Variants in TET3 observed in about 807,000 individuals in gnomAD.
The protein encoded by TET3 is tet methylcytosine dioxygenase 3.
Under a neutral mutation model 141.4 loss-of-function variants are expected in TET3, and 19 were observed. The ratio of observed to expected loss-of-function variants is 0.13; its 90% CI spans 0.09 to 0.20. The LOEUF (loss-of-function observed/expected upper bound fraction) is 0.20. Ranked by LOEUF, TET3 falls within the 10% of genes least tolerant of loss-of-function variation. TET3 has a pLI of 1.00. For synonymous variants in TET3, 1,043 were observed against 980.9 expected, an observed-to-expected ratio of 1.06 and a Z score of -1.18; for missense variants, 1,874 against 2,356.9, an observed-to-expected ratio of 0.80 and a Z score of 4.24.
chr2:73,984,981 G>A lies in TET3; in HGVS notation c.-601G>A, dbSNP rs1271740914. Among the ~76,000 whole-genome samples the A allele has an allele frequency of 6.8e-6, 1 of 146,774 alleles. No homozygotes were observed. The highest frequency in any genetic ancestry group is 1.5e-5 in the Non-Finnish European group (1 of 65,934). On this transcript the variant is annotated 5_prime_UTR_variant, in exon 1 of 12. Transcript: ENST00000409262. The surrounding 1 kb of genome is among the most constrained non-coding windows in gnomAD (Gnocchi z 5.6). ...GCCGCTGCCTCTTCCTTCCTCCTGC[G>A]CCGTCCCCTCCTCGGCCCGGGCGGG...
chr2:74,059,205 A>G (rs1371821099), intron 4 of TET3, among the ~76,000 whole-genome samples: 10 of 152,182 alleles, frequency 6.6e-5, no homozygotes, highest in African/African-American at 1.9e-4. Flanking sequence ...TTGCTCAATG[A>G]TGTGTTTGTG....
chr2:74,134,431 C>T, the TET3 span: 1 of 307,858 alleles, frequency 3.2e-6, no homozygotes, highest in African/African-American at 2.2e-5. Context: ...AATGTATGAA[C>T]AGAATATTTG....
chr2:74,069,279 G>T (rs1314427273), intron 4 of TET3, among the ~76,000 whole-genome samples: 1 of 150,766 alleles, frequency 6.6e-6, no homozygotes, highest in Non-Finnish European at 1.5e-5. Context: ...CTATTGATAG[G>T]AAATGCCATT....
rs546851857 is a variant in TET3, at chr2:74,102,142, C to T, written c.5354C>T (p.Thr1785Met). The T allele has an allele frequency of 5.0e-5, 74 of 1,471,566 alleles. 1 individual carries two copies. The South Asian group carries it at 6.3e-4, about 13-fold the overall frequency. The allele number at this position is 1,471,566 out of a possible 1,614,324, so 91.2% of individuals were successfully genotyped here. ...GTCACCGTGTCCTCCTATGCCTACA[C>T]GAAGGTCACTGGCCCCTACAGCCGC... Reference protein sequence around the residue: ...SAVTVSSYAYTKVTGPYSRWI With the variant: ...SAVTVSSYAYMKVTGPYSRWI The change falls in exon 12 of 12, where the codon ACG (threonine) becomes ATG (methionine). Residue 1785 changes from threonine (T) to methionine (M), a missense_variant. Coordinates refer to ENST00000409262, the MANE Select transcript of TET3 (RefSeq NM_001287491.2).
Position 74,070,738 on chromosome 2 carries a change from C to T in TET3, c.2495-2811C>T, listed in dbSNP as rs571094089. Reference sequence around the variant, plus strand: ...CCTGTAATCCTAGCACTTTGGGAGGCCGAGGCAGGCAGATAGATTGAGCCC... The same window carrying T: ...CCTGTAATCCTAGCACTTTGGGAGGTCGAGGCAGGCAGATAGATTGAGCCC... On this transcript the variant is annotated intron_variant, in intron 4 of 11. Transcript: ENST00000409262. Among the ~76,000 whole-genome samples the T allele has an allele frequency of 7.2e-5, 11 of 152,262 alleles. 1 individual carries two copies. In the South Asian group the frequency reaches 2.3e-3, roughly 32 times the overall value.
At chr2:74,073,354 G>T (rs1342116395) in intron 4 of TET3, among the ~76,000 whole-genome samples, 195 bp from the exon 5 acceptor site, 1 of 152,166 alleles carries the variant, frequency 6.6e-6, no homozygotes, top group African/African-American at 2.4e-5. Context: ...GTCCATATGT[G>T]ATGGTGTTTT....
chr2:74,080,439 A>G (rs1689744844), intron 5 of TET3, 59 bp from the exon 6 acceptor site: 2 of 1,504,610 alleles, frequency 1.3e-6, no homozygotes, highest in Non-Finnish European at 1.8e-6. Flanking sequence ...CTTCTGACCA[A>G]AAGTTGTTCT....
At chr2:74,070,751 A>C (rs1011019593) in intron 4 of TET3, among the ~76,000 whole-genome samples, 10 of 152,168 alleles carry the variant, frequency 6.6e-5, no homozygotes, top group Admixed American at 2.6e-4. Context: ...AGGCAGGCAG[A>C]TAGATTGAGC....
chr2:74,113,912 C>G, the TET3 span, among the ~76,000 whole-genome samples: 5 of 151,952 alleles, frequency 3.3e-5, no homozygotes, highest in African/African-American at 1.2e-4. Flanking sequence ...CAATCCCTAT[C>G]AAAATACCAA....
In TET3 at chr2:74,108,086, A is replaced by G. The variant is rs1691605754; in HGVS notation, c.*5910A>G. ...TTTGTATTTTATTATAATTTACACAAACAACTGGGTTTGTGAACTGTATTA... is the reference window on the plus strand; with the variant it reads ...TTTGTATTTTATTATAATTTACACAGACAACTGGGTTTGTGAACTGTATTA... On this transcript the variant is annotated 3_prime_UTR_variant, in exon 12 of 12. Coordinates refer to ENST00000409262, the MANE Select transcript of TET3 (RefSeq NM_001287491.2). The G allele has an allele frequency of 6.5e-6, 1 of 153,780 alleles. No individual in the cohort carries two copies. The highest frequency in any genetic ancestry group is 6.5e-5 in the Admixed American group (1 of 15,288). 9.5% of individuals were successfully genotyped at this position (153,780 alleles called of 1,614,324 possible).
chr2:74,099,029 TC>T (rs1691009689), intron 10 of TET3, among the ~76,000 whole-genome samples: 4 of 152,328 alleles, frequency 2.6e-5, no homozygotes, highest in Admixed American at 2.6e-4. Flanking sequence ...TCATCTCCTC[TC>T]AGCCTTCTTA....
chr2:74,090,109 C>G, intron 8 of TET3, 62 bp downstream of exon 8: 1 of 1,595,224 alleles, frequency 6.3e-7, no homozygotes, highest in Non-Finnish European at 8.6e-7. Flanking sequence ...CCTTCATGGT[C>G]CAGCGGGAGG....
intron 11 of TET3, 35 bp downstream of exon 11, chr2:74,099,647 A>G (rs1014826228): frequency 1.3e-6 from 2 of 1,509,948 alleles, no homozygotes; most frequent in African/African-American, 2.8e-5. Context: ...TGGAGTCACA[A>G]TGGCACTGTC....
chr2:74,061,711 G>A (rs1314100226), intron 4 of TET3, among the ~76,000 whole-genome samples: 1 of 148,972 alleles, frequency 6.7e-6, no homozygotes, highest in African/African-American at 2.5e-5. Context: ...CGGGGCAGCT[G>A]CCGGGCGGAG....
chr2:74,129,399 GAGGC>G, the TET3 span, among the ~76,000 whole-genome samples: 3 of 150,444 alleles, frequency 2.0e-5, no homozygotes, highest in African/African-American at 7.3e-5. Context: ...TTGGGAGGCT[GAGGC>G]AGGCAGATCA....
chr2:74,116,058 G>T, the TET3 span, among the ~76,000 whole-genome samples: 1 of 147,854 alleles, frequency 6.8e-6, no homozygotes, highest in Admixed American at 6.8e-5. Context: ...GGAATAATCC[G>T]AACAGACATT....
intron 10 of TET3, among the ~76,000 whole-genome samples, chr2:74,098,753 C>T (rs1303973260): frequency 6.6e-6 from 1 of 152,102 alleles, no homozygotes; most frequent in Non-Finnish European, 1.5e-5. Flanking sequence ...GCCACCACGC[C>T]AGGCTAATTT....
intron 3 of TET3, among the ~76,000 whole-genome samples, chr2:74,005,385 A>C (rs1685101365): frequency 6.6e-6 from 1 of 152,196 alleles, no homozygotes; most frequent in African/African-American, 2.4e-5. Context: ...GTTGTCTGAG[A>C]ATCATATGCA....
intron 6 of TET3, among the ~76,000 whole-genome samples, chr2:74,086,975 A>G (rs1004904627): frequency 1.3e-5 from 2 of 151,624 alleles, no homozygotes; most frequent in Non-Finnish European, 2.9e-5. Flanking sequence ...ATAATTCTCC[A>G]TTCTCCCCTT....
Sources: gnomAD v4.1 joint callset for allele counts (sites outside exome capture counted in the v4.1 genomes callset) on GRCh38, gnomAD v4.1.1 for gene constraint, Gnocchi (gnomAD v3.1) non-coding constraint, MANE v1.5 for transcripts, NCBI Gene and HGNC (gene_info 2026-07-23, HGNC 2026-07-21) for gene names.